Variants in ELMO1 observed in about 807,000 individuals in gnomAD.
ELMO1 encodes the protein engulfment and cell motility protein 1.
A neutral mutation model predicts 98.9 loss-of-function variants in ELMO1; 26 were observed. The ratio of observed to expected loss-of-function variants is 0.26; its 90% CI spans 0.19 to 0.36. The LOEUF is 0.36. ELMO1 is among the 10% of genes least tolerant of loss of function. The pLI, the probability that ELMO1 is intolerant of heterozygous loss-of-function variation, is 1.00. For missense variants in ELMO1, 627 were observed against 935.2 expected (o/e 0.67, Z 4.30); for synonymous variants, 346 against 346.0 (o/e 1.00, Z 0.00).
chr7:37,237,287 T>G lies in ELMO1; in HGVS notation c.450-4093A>C, dbSNP rs538735038. On this transcript the variant is annotated intron_variant, in intron 7 of 21. Transcript: ENST00000310758. ...GTGGCAAGCCCGTTAATACAGAATTTTATTTATTTATTTATTTTTTTAGAC... is the reference window on the plus strand; with the variant it reads ...GTGGCAAGCCCGTTAATACAGAATTGTATTTATTTATTTATTTTTTTAGAC... 5.9e-5 allele frequency among the ~76,000 whole-genome samples: 9 copies of G among 152,084 alleles called. No individual in the cohort carries two copies. The East Asian group carries it at 1.7e-3, about 29-fold the overall frequency.
intron 21 of ELMO1, among the ~76,000 whole-genome samples, chr7:36,856,861 T>C (rs900716513): frequency 6.6e-6 from 1 of 152,252 alleles, no homozygotes; most frequent in African/African-American, 2.4e-5. Context: ...CCTTCTACCA[T>C]GCACTCCAGA....
chr7:37,191,084 G>A (rs1464077405), intron 13 of ELMO1, among the ~76,000 whole-genome samples: 1 of 150,672 alleles, frequency 6.6e-6, no homozygotes, highest in Non-Finnish European at 1.5e-5. Context: ...AGCTACTCAG[G>A]AGGCTGAGGC....
chr7:37,186,784 C>T (rs1036433216), intron 13 of ELMO1, among the ~76,000 whole-genome samples: 19 of 152,150 alleles, frequency 1.2e-4, no homozygotes, highest in Non-Finnish European at 2.9e-5. Context: ...CATTCCCTCC[C>T]ATCAGCAAAA....
chr7:37,022,150 G>A (rs1371609989), intron 15 of ELMO1, among the ~76,000 whole-genome samples: 3 of 152,150 alleles, frequency 2.0e-5, no homozygotes, highest in South Asian at 2.1e-4. Flanking sequence ...AAACAATAAA[G>A]TTGTTTTCAT....
At chr7:36,969,536 G>T (rs994002661) in intron 16 of ELMO1, among the ~76,000 whole-genome samples, 1 of 152,144 alleles carries the variant, frequency 6.6e-6, no homozygotes. Flanking sequence ...CCCCCCACTT[G>T]CATCACTTCC....
At chr7:37,072,668 G>C (rs1267140353) in intron 15 of ELMO1, among the ~76,000 whole-genome samples, 1 of 152,100 alleles carries the variant, frequency 6.6e-6, no homozygotes, top group Non-Finnish European at 1.5e-5. Flanking sequence ...ATTACTTAAA[G>C]AGTCAACCTT....
chr7:37,332,150 G>A (rs969137077), intron 2 of ELMO1, among the ~76,000 whole-genome samples: 3 of 152,172 alleles, frequency 2.0e-5, no homozygotes, highest in South Asian at 2.1e-4. Flanking sequence ...GTCACTGATT[G>A]TCTTTTAACT....
At chr7:37,103,451 T>C (rs1261509986) in intron 14 of ELMO1, among the ~76,000 whole-genome samples, 3 of 136,164 alleles carry the variant, frequency 2.2e-5, no homozygotes, top group Non-Finnish European at 3.0e-5. Flanking sequence ...TTCTCACTCA[T>C]AGGTGGAAAT....
chr7:37,071,890 ACACACACGCACACGTG>A (rs1270189733), intron 15 of ELMO1, among the ~76,000 whole-genome samples: 1 of 152,122 alleles, frequency 6.6e-6, no homozygotes, highest in Non-Finnish European at 1.5e-5. Context: ...TTTTAAATAC[ACACACACGCACACGTG>A]CACACACGCA....
intron 15 of ELMO1, among the ~76,000 whole-genome samples, chr7:37,049,927 G>A (rs368733067): frequency 1.3e-5 from 2 of 151,744 alleles, no homozygotes; most frequent in Admixed American, 6.6e-5. Flanking sequence ...ACAGGCATGC[G>A]CCATCATGCC....
At chr7:37,049,506 C>T (rs1795984221) in intron 15 of ELMO1, among the ~76,000 whole-genome samples, 1 of 152,082 alleles carries the variant, frequency 6.6e-6, no homozygotes, top group African/African-American at 2.4e-5. Context: ...TGCTCTGCCC[C>T]AAATGTGGCT....
At chr7:37,044,060 G>C (rs182075735) in intron 15 of ELMO1, among the ~76,000 whole-genome samples, 1 of 152,200 alleles carries the variant, frequency 6.6e-6, no homozygotes, top group African/African-American at 2.4e-5. Flanking sequence ...AAAAGCTCTA[G>C]AGCCCACTCA....
At chr7:37,254,865 T>C (rs1341288816) in intron 6 of ELMO1, among the ~76,000 whole-genome samples, 2 of 152,166 alleles carry the variant, frequency 1.3e-5, no homozygotes, top group African/African-American at 4.8e-5. Flanking sequence ...ATTGACATTC[T>C]CTCACATTGT....
At position 36,939,363 on chromosome 7, in the gene ELMO1, T is replaced by C. The variant is rs370895684; in HGVS notation, c.1438-44346A>G. Among the ~76,000 whole-genome samples the C allele has an allele frequency of 8.4e-4, 70 of 83,548 alleles. 4 individuals carry two copies. Among genetic ancestry groups the C allele is most frequent in the Middle Eastern group, 6.8e-3 (1 of 148 alleles). The allele number at this position is 83,548 out of a possible 152,430, so 54.8% of individuals were successfully genotyped here. A position where few individuals can be genotyped will look rare whatever the true frequency, so the allele number is the denominator to read the frequency against. On this transcript the variant is annotated intron_variant, in intron 16 of 21. Coordinates refer to ENST00000310758, the MANE Select transcript of ELMO1 (RefSeq NM_014800.11). ...AGACTTAACCTAGTCAGGCTAGGGGTTCATGTACTCATAGAAGACTTAACC... is the reference window on the plus strand; with the variant it reads ...AGACTTAACCTAGTCAGGCTAGGGGCTCATGTACTCATAGAAGACTTAACC...
chr7:37,235,795 T>C (rs1049922197), intron 7 of ELMO1, among the ~76,000 whole-genome samples: 3 of 152,178 alleles, frequency 2.0e-5, no homozygotes, highest in African/African-American at 7.2e-5. Context: ...TAGCCAGTCA[T>C]GGTGGCGGGC....
intron 14 of ELMO1, among the ~76,000 whole-genome samples, chr7:37,126,932 GA>G (rs1477147693): frequency 7.2e-5 from 11 of 152,116 alleles, no homozygotes; most frequent in Admixed American, 1.3e-4. Context: ...TTTTCCCTCT[GA>G]AAAAGATGTA....
At chr7:37,203,983 T>G in intron 13 of ELMO1, 1 of 429,296 alleles carries the variant, frequency 2.3e-6, no homozygotes, top group South Asian at 1.7e-5. Context: ...GCCTGACACG[T>G]GTGTCTTTAG....
At chr7:37,222,010 G>C (rs971927045) in intron 10 of ELMO1, among the ~76,000 whole-genome samples, 15 of 152,130 alleles carry the variant, frequency 9.9e-5, no homozygotes, top group African/African-American at 3.4e-4. Context: ...TTTTATACAG[G>C]AGAGGAAACA....
intron 13 of ELMO1, among the ~76,000 whole-genome samples, chr7:37,166,591 A>T (rs2129690948): frequency 6.6e-6 from 1 of 152,152 alleles, no homozygotes; most frequent in African/African-American, 2.4e-5. Flanking sequence ...TCATTTCGTT[A>T]TGTACCCAGT....
Sources: gnomAD v4.1 joint callset for allele counts (sites outside exome capture counted in the v4.1 genomes callset) on GRCh38, gnomAD v4.1.1 for gene constraint, MANE v1.5 for transcripts, NCBI Gene and HGNC (gene_info 2026-07-23, HGNC 2026-07-21) for gene names.